Variants in CYP4F22 observed in about 807,000 individuals in gnomAD.
CYP4F22 encodes the protein cytochrome P450 family 4 subfamily F member 22, also known as ultra-long-chain fatty acid omega-hydroxylase.
A neutral mutation model predicts 60.4 loss-of-function variants in CYP4F22; 37 were observed. The observed-to-expected ratio is 0.61, with a 90% CI of 0.47 to 0.81. The LOEUF (loss-of-function observed/expected upper bound fraction) is 0.81, where lower values mean the gene tolerates loss of function less well. Among genes scored for constraint, CYP4F22 ranks in the 30% least tolerant of loss-of-function variants. The pLI is 0.00. For synonymous variants in CYP4F22, 258 were observed against 280.5 expected (o/e 0.92, Z 0.80); for missense variants, 655 against 715.0 (o/e 0.92, Z 0.96).
At chr19:15,509,158 C>T (rs1971054738) in intron 1 of CYP4F22, among the ~76,000 whole-genome samples, 1 of 152,142 alleles carries the variant, frequency 6.6e-6, no homozygotes, top group Admixed American at 6.6e-5. Flanking sequence ...CGAGAGTTGG[C>T]TCTGAGGGTT....
chr19:15,510,507 G>A lies in CYP4F22; in HGVS notation c.-109+1924G>A, dbSNP rs115308115. ...GAGGTGCAGACACTCACCCGAGGTC[G>A]CACAGCAAAGAGGCAGACCTTTATA... On this transcript the variant is annotated intron_variant, in intron 1 of 13. Coordinates refer to ENST00000269703, the MANE Select transcript of CYP4F22 (RefSeq NM_173483.4). 6.0e-3 allele frequency among the ~76,000 whole-genome samples: 915 copies of A among 152,226 alleles called. 9 individuals carry two copies. The highest frequency in any genetic ancestry group is 0.02 in the African/African-American group (846 of 41,520).
In CYP4F22 at chr19:15,551,324, C is replaced by G. The variant is rs778497895; in HGVS notation, c.1449C>G (p.Ala483=). The part of the protein sequence containing the change: ...RNCIGQSFAM[A]ELRVVVALTL... ...GCATCGGACAGAGCTTCGCCATGGC[C>G]GAGTTGCGCGTGGTTGTGGCACTAA... Residue 483 remains alanine, a synonymous_variant, in exon 14 of 14, where the codon GCC becomes GCG. Transcript: ENST00000269703. The G allele has an allele frequency of 3.7e-6, 6 of 1,613,446 alleles. No individual in the cohort carries two copies. The South Asian group carries it at 6.6e-5, about 18-fold the overall frequency.
chr19:15,510,964 A>ATTTT (rs1395915764), intron 1 of CYP4F22, among the ~76,000 whole-genome samples: 10 of 113,646 alleles, frequency 8.8e-5, no homozygotes, highest in Admixed American at 3.7e-4. Context: ...ATATATATAT[A>ATTTT]TATTTTTTTT....
chr19:15,546,727 C>T (rs1294672287), intron 10 of CYP4F22, among the ~76,000 whole-genome samples: 2 of 152,018 alleles, frequency 1.3e-5, no homozygotes, highest in Non-Finnish European at 2.9e-5. Flanking sequence ...ATGCACTTTT[C>T]TTTTCTTTCT....
rs1274865444 is a variant in CYP4F22 at position 15,529,748 on chromosome 19, G to A, written c.262G>A (p.Val88Ile). The change falls in exon 4 of 14, where the codon GTA becomes ATA. Residue 88 changes from valine to isoleucine, a missense_variant. Around this residue, in one of 3 missense-constraint regions of CYP4F22, gnomAD observed 430 missense variants for 457.1 expected, o/e 0.94. Transcript: ENST00000269703. ...GGCGGGCCTTCAAGATGAGAAGAAGGTACTGGACAACATGCACCATGTACT... is the reference window on the plus strand; with the variant it reads ...GGCGGGCCTTCAAGATGAGAAGAAGATACTGGACAACATGCACCATGTACT... ...NEAGLQDEKKVLDNMHHVLLV... is the reference protein window; with the variant it reads ...NEAGLQDEKKILDNMHHVLLV... The A allele has an allele frequency of 1.2e-6, 2 of 1,613,968 alleles. No individual in the cohort carries two copies. The highest frequency in any genetic ancestry group is 1.7e-5 in the Admixed American group (1 of 59,982).
intron 3 of CYP4F22, among the ~76,000 whole-genome samples, chr19:15,528,109 C>T (rs1347347309): frequency 1.3e-5 from 2 of 152,084 alleles, no homozygotes; most frequent in African/African-American, 2.4e-5. Flanking sequence ...CGTCCAGCTG[C>T]CAGCTCCTGC....
intron 7 of CYP4F22, among the ~76,000 whole-genome samples, chr19:15,539,265 A>G (rs770211512): frequency 2.0e-5 from 3 of 152,130 alleles, no homozygotes; most frequent in Non-Finnish European, 4.4e-5. Context: ...TTTGCCTGTT[A>G]TGGATATTTC....
At chr19:15,550,650 C>T (rs572427574) in intron 12 of CYP4F22, 24 bp from the exon 13 acceptor site, 6 of 1,613,466 alleles carry the variant, frequency 3.7e-6, no homozygotes, top group Non-Finnish European at 5.1e-6. Flanking sequence ...CCCCCAGACT[C>T]ATCTCCAGGC....
chr19:15,544,358 T>C (rs1971499000), intron 10 of CYP4F22, 79 bp downstream of exon 10: 1 of 1,508,650 alleles, frequency 6.6e-7, no homozygotes, highest in Non-Finnish European at 9.0e-7. Flanking sequence ...TCCCACTTAC[T>C]GATTGTGTGA....
chr19:15,551,687 C>T lies in CYP4F22; in HGVS notation c.*216C>T. Reference sequence around the variant, plus strand: ...GGGGGCCTGATCCCGCCCCTTGAGGCTTAGGTCCCGCCCCCTGACTTCTCG... The same window carrying T: ...GGGGGCCTGATCCCGCCCCTTGAGGTTTAGGTCCCGCCCCCTGACTTCTCG... On this transcript the variant is annotated 3_prime_UTR_variant, in exon 14 of 14. Coordinates refer to ENST00000269703, the MANE Select transcript of CYP4F22 (RefSeq NM_173483.4). The T allele has an allele frequency of 1.6e-6, 1 of 631,314 alleles. No individual in the cohort carries two copies. Among genetic ancestry groups the T allele is most frequent in the South Asian group, 2.0e-5 (1 of 50,814 alleles). The allele number at this position is 631,314 out of a possible 1,614,324, so 39.1% of individuals were successfully genotyped here. A position where few individuals can be genotyped will look rare whatever the true frequency, so the allele number is the denominator to read the frequency against.
intron 2 of CYP4F22, among the ~76,000 whole-genome samples, chr19:15,524,694 GAA>G (rs1491292546): frequency 0.015 from 2,213 of 151,578 alleles, 49 homozygotes; most frequent in African/African-American, 0.051. Flanking sequence ...AAGAAAGAAA[GAA>G]AGAAAGAGAG....
intron 4 of CYP4F22, 70 bp from the exon 5 acceptor site, chr19:15,537,291 A>C (rs1673432648): frequency 1.9e-6 from 3 of 1,583,978 alleles, no homozygotes; most frequent in Non-Finnish European, 2.6e-6. Flanking sequence ...ACAGAGCAAG[A>C]CTCCGTAAAA....
At chr19:15,510,966 A>ATATATATATATATATT (rs34055543) in intron 1 of CYP4F22, among the ~76,000 whole-genome samples, 41 of 103,302 alleles carry the variant, frequency 4.0e-4, no homozygotes, top group Middle Eastern at 6.2e-3. Context: ...ATATATATAT[A>ATATATATATATATATT]TTTTTTTTTT....
At chr19:15,536,569 A>G (rs1182195292) in intron 4 of CYP4F22, among the ~76,000 whole-genome samples, 3 of 152,074 alleles carry the variant, frequency 2.0e-5, no homozygotes, top group Non-Finnish European at 4.4e-5. Flanking sequence ...GGAGAGGGTG[A>G]GGCTGGAGGC....
chr19:15,546,777 C>G lies in CYP4F22; in HGVS notation c.1137-1331C>G, dbSNP rs565712505. ...TTTCTTTCTTTTTTTGAGATAGGCT[C>G]TCACACTGTGGCCCAGGCTGGAGTA... On this transcript the variant is annotated intron_variant, in intron 10 of 13. Coordinates refer to ENST00000269703, the MANE Select transcript of CYP4F22 (RefSeq NM_173483.4). 4.0e-5 allele frequency among the ~76,000 whole-genome samples: 6 copies of G among 151,866 alleles called. No homozygotes were observed. The South Asian group carries it at 1.0e-3, about 26-fold the overall frequency.
chr19:15,540,837 C>T (rs917088514), intron 8 of CYP4F22, 120 bp downstream of exon 8: 33 of 1,326,574 alleles, frequency 2.5e-5, no homozygotes, highest in East Asian at 4.9e-5. Flanking sequence ...GTAATCCCAG[C>T]GCTTTGGGAG....
At chr19:15,527,781 A>T (rs1472261557) in intron 3 of CYP4F22, among the ~76,000 whole-genome samples, 3 of 152,230 alleles carry the variant, frequency 2.0e-5, no homozygotes, top group Admixed American at 6.5e-5. Flanking sequence ...GCACTGGGTT[A>T]GGCTCCTTTG....
chr19:15,515,349 C>G (rs1971141167), intron 1 of CYP4F22: 2 of 1,201,420 alleles, frequency 1.7e-6, no homozygotes, highest in Admixed American at 3.5e-5. Context: ...TTCAGCACCT[C>G]CCACACACAG....
At chr19:15,537,707 G>T in intron 6 of CYP4F22, 45 bp downstream of exon 6, 3 of 1,607,542 alleles carry the variant, frequency 1.9e-6, no homozygotes, top group South Asian at 2.2e-5. Context: ...TGGGAGTGAG[G>T]CTGGTCCAGG....
Sources: allele counts gnomAD v4.1 joint callset (sites outside exome capture counted in the v4.1 genomes callset), GRCh38; gene constraint gnomAD v4.1.1; regional missense constraint gnomAD v4.1.1; transcripts MANE v1.5; gene names NCBI Gene and HGNC (gene_info 2026-07-23, HGNC 2026-07-21).